The following ATP2B3 variants were observed in gnomAD, a reference collection of about 807,000 sequenced individuals.
ATP2B3 encodes plasma membrane calcium-transporting ATPase 3.
In ATP2B3, 12 loss-of-function variants were observed where a neutral mutation model predicts 70.8. The ratio of observed to expected loss-of-function variants is 0.17; its 90% CI spans 0.11 to 0.27. The LOEUF is 0.27. ATP2B3 is among the 10% of genes least tolerant of loss of function. The probability of loss-of-function intolerance (pLI) is 1.00; values close to 1 mark genes in which losing one functional copy is unlikely to be tolerated. For missense variants in ATP2B3, 858 were observed against 1,118.5 expected (o/e 0.77, Z 3.32); for synonymous variants, 460 against 497.8 (o/e 0.92, Z 1.01).
chrX:153,534,006 G>A (rs1456543225), intron 2 of ATP2B3, among the ~76,000 whole-genome samples: 4 of 112,214 alleles, frequency 3.6e-5, no homozygotes, highest in East Asian at 2.8e-4. Context: ...TGTCATGGCC[G>A]TGTGCCACCC....
At chrX:153,531,152 G>A (rs782121177) in intron 2 of ATP2B3, among the ~76,000 whole-genome samples, 2 of 112,660 alleles carry the variant, frequency 1.8e-5, no homozygotes, top group Admixed American at 9.3e-5. Flanking sequence ...GGATAAAAGG[G>A]GTCTCCCAGG....
At position 153,567,516 on chromosome X, in the gene ATP2B3, C is replaced by T. The variant is rs187120129; in HGVS notation, c.3342+2413C>T. On this transcript the variant is annotated intron_variant, in intron 21 of 21. Transcript: ENST00000263519. The stretch of plus-strand genomic sequence containing the variant: ...TCACTCCTGCCGCCGCAGCCGAAGG[C>T]GACGTTAGGTTTTCCAGCAGCTGAG... Among the ~76,000 whole-genome samples, 162 of 112,972 alleles carry T rather than the reference C, an allele frequency of 1.4e-3. 1 individual carries two copies. The highest frequency in any genetic ancestry group is 2.4e-3 in the Non-Finnish European group (128 of 53,308).
chrX:153,558,049 A>G, intron 16 of ATP2B3, 63 bp from the exon 17 acceptor site: 2 of 1,113,608 alleles, frequency 1.8e-6, no homozygotes, highest in South Asian at 2.2e-5. Context: ...CCAGGTGATC[A>G]AGGGGGGCTG....
intron 5 of ATP2B3, among the ~76,000 whole-genome samples, 166 bp downstream of exon 5, chrX:153,542,092 G>A (rs1175418049): frequency 1.3e-5 from 1 of 76,541 alleles, no homozygotes; most frequent in Non-Finnish European, 2.2e-5. Context: ...GGGGGAACAC[G>A]GGGCAGGGCA....
chrX:153,546,098 G>A lies in ATP2B3; in HGVS notation c.927G>A (p.Gln309=). Residue 309 remains glutamine (Q), a synonymous_variant, in exon 8 of 22, where the codon CAG becomes CAA. Coordinates refer to ENST00000263519, the MANE Select transcript of ATP2B3 (RefSeq NM_001001344.3). The stretch of plus-strand genomic sequence containing the variant: ...CCTCTTCCATTGTAGGCAAGCAGCA[G>A]GATGGGGCCATGGAGAGTAGCCAGA... ...EEKKDKKGKQ[Q]DGAMESSQTK... The A allele has an allele frequency of 2.5e-6, 3 of 1,211,733 alleles. No homozygotes were observed. The highest frequency in any genetic ancestry group is 3.4e-6 in the Non-Finnish European group (3 of 895,512).
chrX:153,580,658 T>A lies in ATP2B3; in HGVS notation c.*360T>A, dbSNP rs2090912447. On this transcript the variant is annotated 3_prime_UTR_variant, in exon 22 of 22. Coordinates refer to ENST00000263519, the MANE Select transcript of ATP2B3 (RefSeq NM_001001344.3). ...TTTTTTTCTATTGATGCTTCTTTTT[T>A]AACAAACTACAGTTTTACCGTGTGT... 1 of 189,406 alleles carries A rather than the reference T, an allele frequency of 5.3e-6. No homozygotes were observed. Among genetic ancestry groups the A allele is most frequent in the Admixed American group, 6.8e-5 (1 of 14,626 alleles). The allele number at this position is 189,406 out of a possible 1,213,427, so 15.6% of individuals were successfully genotyped here.
chrX:153,538,136 G>A (rs138984107), intron 3 of ATP2B3, among the ~76,000 whole-genome samples: 2,263 of 112,937 alleles, frequency 0.02, 61 homozygotes, highest in African/African-American at 0.068. Flanking sequence ...GGTGCCAGGA[G>A]CGGGTGACTC....
chrX:153,550,848 G>A (rs1298994322), intron 12 of ATP2B3, among the ~76,000 whole-genome samples: 1 of 111,076 alleles, frequency 9.0e-6, no homozygotes, highest in African/African-American at 3.3e-5. Context: ...CCACCCACCC[G>A]GCCTCCCTAA....
chrX:153,523,969 G>A (rs1317965921), intron 2 of ATP2B3, among the ~76,000 whole-genome samples: 5 of 111,763 alleles, frequency 4.5e-5, no homozygotes, highest in African/African-American at 1.6e-4. Context: ...GTGCTGGAAT[G>A]AAAGGCGTTT....
intron 2 of ATP2B3, among the ~76,000 whole-genome samples, chrX:153,526,732 G>A (rs782610372): frequency 1.8e-5 from 2 of 111,577 alleles, no homozygotes; most frequent in Admixed American, 9.4e-5. Flanking sequence ...AGAGTGGCAC[G>A]GATACTTCGG....
intron 2 of ATP2B3, among the ~76,000 whole-genome samples, chrX:153,528,241 C>T (rs1264865507): frequency 1.8e-5 from 2 of 112,398 alleles, no homozygotes; most frequent in Non-Finnish European, 3.8e-5. Context: ...GGAGCTAGAC[C>T]ACTTGAGGTC....
At chrX:153,521,147 C>T (rs950863544) in intron 2 of ATP2B3, among the ~76,000 whole-genome samples, 11 of 113,153 alleles carry the variant, frequency 9.7e-5, no homozygotes, top group African/African-American at 2.9e-4. Flanking sequence ...AGCAACGCCC[C>T]GGGCTGGGTA....
In ATP2B3 at chrX:153,564,968, C is replaced by T. The variant is rs1557017601; in HGVS notation, c.3207C>T (p.Ala1069=). 5.0e-6 allele frequency: 6 copies of T among 1,199,062 alleles called. No individual in the cohort carries two copies. The highest frequency in any genetic ancestry group is 3.5e-5 in the African/African-American group (2 of 57,696). The part of the protein sequence containing the change: ...PTSQLKCLKE[A]GHGPGKDEMT... ...GCCAGCTCAAGTGCCTGAAGGAAGC[C>T]GGGCACGGGCCCGGGAAGGACGAGA... Residue 1069 remains alanine, a synonymous_variant, in exon 21 of 22, where the codon GCC becomes GCT. Transcript: ENST00000263519.
chrX:153,562,803 C>T (rs1460179511), intron 20 of ATP2B3, among the ~76,000 whole-genome samples: 1 of 112,324 alleles, frequency 8.9e-6, no homozygotes, highest in Non-Finnish European at 1.9e-5. Flanking sequence ...ATACCATAGA[C>T]TGGGAGGCTT....
In ATP2B3 at chrX:153,548,845, C is replaced by T; in HGVS notation, c.1329C>T (p.Tyr443=). Residue 443 remains tyrosine, a synonymous_variant, in exon 10 of 22, where the codon TAC becomes TAT. Transcript: ENST00000263519. The part of the protein sequence containing the change: ...LPLAVTISLA[Y]SVKKMMKDNN... ...TTGCTGTCACCATCTCCTTAGCTTA[C>T]TCTGTCAAGGTAATCATAAAACTTA... The T allele has an allele frequency of 8.3e-7, 1 of 1,209,826 alleles. No individual in the cohort carries two copies.
Position 153,560,701 on chromosome X carries a change from C to T in ATP2B3, c.2865C>T (p.Ser955=), listed in dbSNP as rs373777623. The change falls in exon 19 of 22, where the codon AGC becomes AGT. Residue 955 remains serine (S), a synonymous_variant. Coordinates refer to ENST00000263519, the MANE Select transcript of ATP2B3 (RefSeq NM_001001344.3). Reference sequence around the variant, plus strand: ...GGGAGCTCTTCTTCGACATCGACAGCGGGAGGAATGCGCCCCTGCACTCGC... The same window carrying T: ...GGGAGCTCTTCTTCGACATCGACAGTGGGAGGAATGCGCCCCTGCACTCGC... The part of the protein sequence containing the change: ...FVGELFFDID[S]GRNAPLHSPP... 9.9e-6 allele frequency: 12 copies of T among 1,210,205 alleles called. No individual in the cohort carries two copies. The highest frequency in any genetic ancestry group is 3.5e-5 in the South Asian group (2 of 56,806).
intron 16 of ATP2B3, among the ~76,000 whole-genome samples, 194 bp downstream of exon 16, chrX:153,557,217 C>T (rs1177849461): frequency 2.7e-5 from 3 of 112,162 alleles, no homozygotes; most frequent in Non-Finnish European, 5.6e-5. Flanking sequence ...TGGTTAAAGG[C>T]ATCTGCTGTG....
intron 1 of ATP2B3, 46 bp downstream of exon 1, chrX:153,517,921 G>A (rs2089900358): frequency 9.3e-6 from 1 of 106,982 alleles, no homozygotes; most frequent in African/African-American, 3.5e-5. Context: ...GTGGGCGCGG[G>A]CGCGGCGCGG....
chrX:153,557,971 T>G, intron 16 of ATP2B3, 141 bp from the exon 17 acceptor site: 5 of 489,233 alleles, frequency 1.0e-5, no homozygotes, highest in Admixed American at 5.0e-5. Context: ...AACAGTGCTG[T>G]TCTTGGCTTT....
Sources: allele counts gnomAD v4.1 joint callset (sites outside exome capture counted in the v4.1 genomes callset), GRCh38; gene constraint gnomAD v4.1.1; transcripts MANE v1.5; gene names NCBI Gene and HGNC (gene_info 2026-07-23, HGNC 2026-07-21).